BMP6: variants seen among roughly 807,000 people sequenced by gnomAD.
The protein encoded by BMP6 is bone morphogenetic protein 6.
A neutral mutation model predicts 54.1 loss-of-function variants in BMP6; 17 were observed. That is an observed-to-expected ratio of 0.31 (90% CI 0.22 to 0.47). The LOEUF (loss-of-function observed/expected upper bound fraction) is 0.47. Ranked by LOEUF, BMP6 falls within the 20% of genes least tolerant of loss-of-function variation. BMP6 has a pLI of 1.00. For missense variants in BMP6, 720 were observed against 690.4 expected (o/e 1.04, Z -0.48); for synonymous variants, 328 against 291.2 (o/e 1.13, Z -1.28).
At chr6:7,727,701 G>C (rs1425030180) in intron 1 of BMP6, 82 bp downstream of exon 1, 2 of 1,375,934 alleles carry the variant, frequency 1.5e-6, no homozygotes, top group Non-Finnish European at 1.9e-6. Context: ...TGAGGGGGTG[G>C]AGGAGCTCCC....
intron 1 of BMP6, among the ~76,000 whole-genome samples, chr6:7,820,594 G>A (rs1012668449): frequency 2.0e-5 from 3 of 152,164 alleles, no homozygotes; most frequent in Non-Finnish European, 2.9e-5. Context: ...GAGGAAATTA[G>A]GTGGGGACAG....
At chr6:7,871,831 A>T (rs1295597739) in intron 4 of BMP6, among the ~76,000 whole-genome samples, 2 of 152,094 alleles carry the variant, frequency 1.3e-5, no homozygotes, top group African/African-American at 4.8e-5. Flanking sequence ...AGCAGTTCCA[A>T]TTCTGGTGTC....
At chr6:7,779,243 C>A (rs1000298885) in intron 1 of BMP6, among the ~76,000 whole-genome samples, 1 of 152,202 alleles carries the variant, frequency 6.6e-6, no homozygotes, top group Non-Finnish European at 1.5e-5. Flanking sequence ...AACCATGGTG[C>A]CCTCTGGGGG....
intron 2 of BMP6, among the ~76,000 whole-genome samples, chr6:7,845,924 T>C (rs569295367): frequency 1.3e-5 from 2 of 152,180 alleles, no homozygotes; most frequent in Non-Finnish European, 2.9e-5. Flanking sequence ...TGGAGCTGCC[T>C]AGCAATACAG....
intron 1 of BMP6, 129 bp from the exon 2 acceptor site, chr6:7,845,011 C>G (rs267192): frequency 6.2e-6 from 5 of 803,334 alleles, no homozygotes; most frequent in Non-Finnish European, 1.0e-5. Flanking sequence ...GTTCACTACC[C>G]GATCCCCGTA....
At chr6:7,729,954 C>T (rs1761822890) in intron 1 of BMP6, among the ~76,000 whole-genome samples, 1 of 152,234 alleles carries the variant, frequency 6.6e-6, no homozygotes, top group African/African-American at 2.4e-5. Context: ...AATCCCCCTG[C>T]CTCAGCCTCC....
At chr6:7,768,913 A>T (rs1284432791) in intron 1 of BMP6, among the ~76,000 whole-genome samples, 1 of 152,182 alleles carries the variant, frequency 6.6e-6, no homozygotes, top group Non-Finnish European at 1.5e-5. Context: ...CTACCACTTT[A>T]TGAACTATAA....
chr6:7,807,273 CGTT>C (rs1340186122), intron 1 of BMP6, among the ~76,000 whole-genome samples: 2 of 151,910 alleles, frequency 1.3e-5, no homozygotes, highest in African/African-American at 2.4e-5. Flanking sequence ...CCTGGGACCT[CGTT>C]GTTTTTTGTT....
intron 1 of BMP6, among the ~76,000 whole-genome samples, chr6:7,763,086 T>A (rs896719242): frequency 2.6e-5 from 4 of 152,222 alleles, no homozygotes. Context: ...CTCTTATGAA[T>A]TCTGCAAGTC....
chr6:7,874,587 C>T (rs1759577020), intron 4 of BMP6, among the ~76,000 whole-genome samples: 1 of 152,146 alleles, frequency 6.6e-6, no homozygotes, highest in African/African-American at 2.4e-5. Flanking sequence ...GAAACACCAT[C>T]TATACAAAGT....
rs546401167 is a variant in BMP6 at position 7,748,900 on chromosome 6, C to A, written c.664+21281C>A. 2.6e-5 allele frequency among the ~76,000 whole-genome samples: 4 copies of A among 152,274 alleles called. No individual in the cohort carries two copies. The South Asian group carries it at 6.2e-4, about 24-fold the overall frequency. On this transcript the variant is annotated intron_variant, in intron 1 of 6. Coordinates refer to ENST00000283147, the MANE Select transcript of BMP6 (RefSeq NM_001718.6). Reference sequence around the variant, plus strand: ...TGCTATGTTATGATGATGTCCTAATCCTGGAATCAGTAGAGGATGAATCTG... The same window carrying A: ...TGCTATGTTATGATGATGTCCTAATACTGGAATCAGTAGAGGATGAATCTG...
chr6:7,785,106 G>T (rs1189637487), intron 1 of BMP6, among the ~76,000 whole-genome samples: 1 of 152,190 alleles, frequency 6.6e-6, no homozygotes, highest in East Asian at 1.9e-4. Flanking sequence ...GCCCCTCAAG[G>T]TTGAAGGTGT....
chr6:7,777,670 G>C (rs574030028), intron 1 of BMP6, among the ~76,000 whole-genome samples: 1 of 136,432 alleles, frequency 7.3e-6, no homozygotes, highest in Non-Finnish European at 1.6e-5. Context: ...CTATCTTTCC[G>C]GCATCACTAA....
intron 4 of BMP6, among the ~76,000 whole-genome samples, chr6:7,862,866 G>A (rs1053658518): frequency 1.3e-5 from 2 of 152,172 alleles, no homozygotes; most frequent in Non-Finnish European, 2.9e-5. Flanking sequence ...ATGTGCAAGC[G>A]AACTTGGTAC....
At chr6:7,765,272 G>C (rs1356454604) in intron 1 of BMP6, among the ~76,000 whole-genome samples, 26 of 152,198 alleles carry the variant, frequency 1.7e-4, no homozygotes, top group Admixed American at 1.7e-3. Context: ...TAGTTTCCCA[G>C]AGAGGGGGAA....
intron 1 of BMP6, among the ~76,000 whole-genome samples, chr6:7,782,564 G>A (rs1408659831): frequency 6.6e-6 from 1 of 152,114 alleles, no homozygotes; most frequent in Non-Finnish European, 1.5e-5. Context: ...TATAAAACAG[G>A]CCAGGTGAGG....
chr6:7,829,093 A>G (rs267178), intron 1 of BMP6, among the ~76,000 whole-genome samples: 77,365 of 152,050 alleles, frequency 0.51, 20,409 homozygotes, highest in East Asian at 0.79. Context: ...AAACTTGAAC[A>G]TTTCCTTAAA....
At chr6:7,851,524 T>C (rs1759141756) in intron 2 of BMP6, among the ~76,000 whole-genome samples, 1 of 152,224 alleles carries the variant, frequency 6.6e-6, no homozygotes, top group African/African-American at 2.4e-5. Flanking sequence ...ATATAATCTA[T>C]AAATACTAGT....
At chr6:7,752,543 A>AT (rs1052121320) in intron 1 of BMP6, among the ~76,000 whole-genome samples, 55 of 147,176 alleles carry the variant, frequency 3.7e-4, no homozygotes, top group African/African-American at 1.4e-3. Flanking sequence ...TCATGTTATT[A>AT]TGGAGTTCAA....
Sources: allele counts gnomAD v4.1 joint callset (sites outside exome capture counted in the v4.1 genomes callset), GRCh38; gene constraint gnomAD v4.1.1; transcripts MANE v1.5; gene names NCBI Gene and HGNC (gene_info 2026-07-23, HGNC 2026-07-21).